Variants in SYVN1 observed in about 807,000 individuals in gnomAD.
SYVN1 encodes E3 ubiquitin-protein ligase synoviolin.
SYVN1 carries 17 observed loss-of-function variants against 62.6 expected under a neutral mutation model. That is an observed-to-expected ratio of 0.27 (90% CI 0.19 to 0.41). The LOEUF is 0.41. Among genes scored for constraint, SYVN1 ranks in the 10% least tolerant of loss-of-function variants. The pLI, the probability that SYVN1 is intolerant of heterozygous loss-of-function variation, is 1.00. For synonymous variants in SYVN1, 316 were observed against 304.0 expected (o/e 1.04, Z -0.41); for missense variants, 634 against 818.0 (o/e 0.78, Z 2.74).
Position 65,130,663 on chromosome 11 carries a change from TGGG to T in SYVN1, c.1099_1101del (p.Pro367del), listed in dbSNP as rs774249885. ...GGCCAGACAAGGGGATACTCACAGT[TGGG>T]GGGCTGAGGCAAGAGTGGTGGGGGG... On this transcript the variant is annotated inframe_deletion, in exon 11 of 16. Coordinates refer to ENST00000377190, the MANE Select transcript of SYVN1 (RefSeq NM_172230.3). 1.1e-6 allele frequency: 1 copy of T among 921,182 alleles called. No individual in the cohort carries two copies. The highest frequency in any genetic ancestry group is 1.4e-6 in the Non-Finnish European group (1 of 723,818). The allele number at this position is 921,182 out of a possible 1,614,324, so 57.1% of individuals were successfully genotyped here.
chr11:65,129,662 T>C, intron 14 of SYVN1, 67 bp downstream of exon 14: 10 of 1,515,588 alleles, frequency 6.6e-6, no homozygotes, highest in South Asian at 1.2e-5. Flanking sequence ...GAACCACTGC[T>C]GGGGACCTCT....
chr11:65,129,523 C>G, intron 14 of SYVN1: 2 of 524,826 alleles, frequency 3.8e-6, no homozygotes, highest in Non-Finnish European at 6.8e-6. Flanking sequence ...GAATAAACAT[C>G]ACTCCTACTT....
chr11:65,132,098 G>A (rs765614620), intron 6 of SYVN1, 150 bp downstream of exon 6: 22 of 697,936 alleles, frequency 3.2e-5, no homozygotes, highest in Non-Finnish European at 4.0e-5. Flanking sequence ...GTGAGCGTGT[G>A]GAGGGCAGGA....
Position 65,132,205 on chromosome 11 carries a change from G to T in SYVN1, c.531+43C>A. The T allele has an allele frequency of 1.4e-6, 2 of 1,476,170 alleles. 1 individual carries two copies. Among genetic ancestry groups the T allele is most frequent in the Non-Finnish European group, 1.9e-6 (2 of 1,054,846 alleles). The allele number at this position is 1,476,170 out of a possible 1,614,324, so 91.4% of individuals were successfully genotyped here. A position where few individuals can be genotyped will look rare whatever the true frequency, so the allele number is the denominator to read the frequency against. On this transcript the variant is annotated intron_variant, in intron 6 of 15. Coordinates refer to ENST00000377190, the MANE Select transcript of SYVN1 (RefSeq NM_172230.3). The stretch of plus-strand genomic sequence containing the variant: ...TTGGGTTATTCAAGGCACATGTGGG[G>T]TCACCTCGGGCTTGTCCTCTCAACC...
chr11:65,128,363 G>T lies in SYVN1; in HGVS notation c.*19C>A. On this transcript the variant is annotated 3_prime_UTR_variant, in exon 16 of 16. Coordinates refer to ENST00000377190, the MANE Select transcript of SYVN1 (RefSeq NM_172230.3). Reference sequence around the variant, plus strand: ...GGGCTGCTCAAAAGAGCAGAGGCTGGGGCTGGGCTGGGGCAGTGTCAGTGG... The same window carrying T: ...GGGCTGCTCAAAAGAGCAGAGGCTGTGGCTGGGCTGGGGCAGTGTCAGTGG... 1 of 1,600,686 alleles carries T rather than the reference G, an allele frequency of 6.2e-7. No individual in the cohort carries two copies. The highest frequency in any genetic ancestry group is 8.5e-7 in the Non-Finnish European group (1 of 1,171,700).
At position 65,130,924 on chromosome 11, in the gene SYVN1, T is replaced by C; in HGVS notation, c.937A>G (p.Thr313Ala). ...KRLPCNHIFH[T>A]SCLRSWFQRQ... is the part of the protein sequence containing the mutation. ...GCTCCCCAGGGCCCCTCCCACCTGG[T>C]ATGGAAAATGTGGTTGCAGGGCAGT... The change falls in exon 10 of 16, where the codon ACC becomes GCC. Residue 313 changes from threonine to alanine, a missense_variant. By Grantham distance (58) the Thr-to-Ala change is moderately conservative (BLOSUM62 0). Transcript: ENST00000377190. The C allele has an allele frequency of 6.2e-7, 1 of 1,613,690 alleles. No homozygotes were observed. Among genetic ancestry groups the C allele is most frequent in the East Asian group, 2.2e-5 (1 of 44,856 alleles).
At chr11:65,131,708 T>G in intron 6 of SYVN1, 112 bp from the exon 7 acceptor site, 31 of 1,336,758 alleles carry the variant, frequency 2.3e-5, no homozygotes, top group South Asian at 4.1e-5. Flanking sequence ...TCACAGGCTC[T>G]AGACACACCC....
Position 65,127,542 on chromosome 11 carries a change from T to C in SYVN1, c.*840A>G, listed in dbSNP as rs908327146. 6.5e-6 allele frequency: 1 copy of C among 153,720 alleles called. No homozygotes were observed. The highest frequency in any genetic ancestry group is 2.4e-5 in the African/African-American group (1 of 41,502). 9.5% of individuals were successfully genotyped at this position (153,720 alleles called of 1,614,324 possible). On this transcript the variant is annotated 3_prime_UTR_variant, in exon 16 of 16. Coordinates refer to ENST00000377190, the MANE Select transcript of SYVN1 (RefSeq NM_172230.3). The stretch of plus-strand genomic sequence containing the variant: ...GCATTCAACTTCAAAAGACAAAATT[T>C]AAGCCAAAAGACACTAGTAAGGAAG...
Position 65,130,682 on chromosome 11 carries a change from T to C in SYVN1, c.1083A>G (p.Pro361=), listed in dbSNP as rs759789523. Residue 361 remains proline (P), a synonymous_variant, in exon 11 of 16, where the codon CCA becomes CCG. Transcript: ENST00000377190. ...QGPPPAPHPP[P]LLPQPPNFPQ... ...CACAGTTGGGGGGCTGAGGCAAGAG[T>C]GGTGGGGGGTGGGGGGCAGGGGGTG... 17 of 487,494 alleles carry C rather than the reference T, an allele frequency of 3.5e-5. No homozygotes were observed. The Admixed American group carries it at 4.5e-4, about 13-fold the overall frequency. 30.2% of individuals were successfully genotyped at this position (487,494 alleles called of 1,614,324 possible). A position where few individuals can be genotyped will look rare whatever the true frequency, so the allele number is the denominator to read the frequency against.
At chr11:65,132,514 G>A in intron 5 of SYVN1, 163 bp from the exon 6 acceptor site, 1 of 753,300 alleles carries the variant, frequency 1.3e-6, no homozygotes, top group Non-Finnish European at 2.2e-6. Flanking sequence ...TCCTGGGGGA[G>A]GGGGAGTTGT....
At chr11:65,129,547 C>G (rs1948147377) in intron 14 of SYVN1, 182 bp downstream of exon 14, 3 of 583,762 alleles carry the variant, frequency 5.1e-6, no homozygotes, top group African/African-American at 3.7e-5. Flanking sequence ...TCCAGACATG[C>G]TTTCTGGAGT....
chr11:65,128,155 T>TG lies in SYVN1; in HGVS notation c.*226dup. 2 of 593,254 alleles carry TG rather than the reference T, an allele frequency of 3.4e-6. No individual in the cohort carries two copies. Among genetic ancestry groups the TG allele is most frequent in the South Asian group, 4.0e-5 (2 of 49,768 alleles). The allele number at this position is 593,254 out of a possible 1,614,324, so 36.7% of individuals were successfully genotyped here. A position where few individuals can be genotyped will look rare whatever the true frequency, so the allele number is the denominator to read the frequency against. On this transcript the variant is annotated 3_prime_UTR_variant, in exon 16 of 16. Coordinates refer to ENST00000377190, the MANE Select transcript of SYVN1 (RefSeq NM_172230.3). ...CCAGCAGAACACAGGGCTGAAGAGT[T>TG]GGAGAGGAAGGCTGGAACTGACCCG...
In SYVN1 at chr11:65,127,303, C is replaced by T. The variant is rs1590824292; in HGVS notation, c.*1079G>A. On this transcript the variant is annotated 3_prime_UTR_variant, in exon 16 of 16. Transcript: ENST00000377190. The stretch of plus-strand genomic sequence containing the variant: ...ATTGTTAATGCAAGTTTTTATTTGG[C>T]TGTATATACAATTTAAGCTATTAAA... The T allele has an allele frequency of 4.4e-6, 2 of 453,184 alleles. No homozygotes were observed. Among genetic ancestry groups the T allele is most frequent in the East Asian group, 7.1e-5 (2 of 28,186 alleles). 28.1% of individuals were successfully genotyped at this position (453,184 alleles called of 1,614,324 possible).
rs149542217 is a variant in SYVN1, at chr11:65,131,539, C to T, written c.589G>A (p.Val197Met). 8 of 1,613,878 alleles carry T rather than the reference C, an allele frequency of 5.0e-6. No homozygotes were observed. The highest frequency in any genetic ancestry group is 2.7e-5 in the African/African-American group (2 of 74,846). ...CAGGGGTTCTCACTCTGGAGGTCCA[C>T]GGAGTGCAGCACATACTTGATGAAG... ...TIFIKYVLHS[V>M]DLQSENPWDN... is the part of the protein sequence containing the mutation. Residue 197 changes from valine (V) to methionine (M), a missense_variant, in exon 7 of 16, where the codon GTG becomes ATG. Physicochemically the swap from Val to Met is conservative, Grantham distance 21 (BLOSUM62 1). Coordinates refer to ENST00000377190, the MANE Select transcript of SYVN1 (RefSeq NM_172230.3).
intron 14 of SYVN1, 111 bp downstream of exon 14, chr11:65,129,618 T>C: frequency 9.6e-7 from 1 of 1,039,932 alleles, no homozygotes; most frequent in South Asian, 1.5e-5. Context: ...GGCCTGTAGA[T>C]AGGCAGCCTG....
In SYVN1 at chr11:65,128,678, C is replaced by T. The variant is rs186967691; in HGVS notation, c.1632G>A (p.Glu544=). ...CAGCAACAACTGTAGTGGCAGTCTC[C>T]TCAGTGGAGTTGACTGAAGTGGCAG... ...PRPATSVNST[E]ETATTVVAAA... The change falls in exon 15 of 16, where the codon GAG becomes GAA. Residue 544 remains glutamate, a synonymous_variant. Coordinates refer to ENST00000377190, the MANE Select transcript of SYVN1 (RefSeq NM_172230.3). 23 of 1,613,542 alleles carry T rather than the reference C, an allele frequency of 1.4e-5. No individual in the cohort carries two copies. In the East Asian group the frequency reaches 3.8e-4, roughly 27 times the overall value.
In SYVN1 at chr11:65,130,296, G is replaced by A; in HGVS notation, c.1189C>T (p.Pro397Ser). The A allele has an allele frequency of 6.3e-7, 1 of 1,596,056 alleles. No individual in the cohort carries two copies. Among genetic ancestry groups the A allele is most frequent in the Non-Finnish European group, 8.5e-7 (1 of 1,170,742 alleles). The change falls in exon 12 of 16, where the codon CCC becomes TCC. Residue 397 changes from proline to serine, a missense_variant. By Grantham distance (74) the Pro-to-Ser change is moderately conservative. Transcript: ENST00000377190. ...PMGPFPPVPP[P>S]PSSGEAVAPP... ...GCCACAGCCTCTCCTGAGCTGGGGG[G>A]AGGCGGGACAGGTGGAAAGGGGCCC... is the stretch of plus-strand genomic sequence containing the variant.
intron 6 of SYVN1, 23 bp from the exon 7 acceptor site, chr11:65,131,619 G>T: frequency 6.2e-7 from 1 of 1,611,056 alleles, no homozygotes. Context: ...GGGGACGAGG[G>T]GGATGTAAAC....
chr11:65,128,629 TAGGG>T lies in SYVN1; in HGVS notation c.1677_1680del (p.Pro560AlafsTer70). ...GGGGTTGGGGTCGTGGCCTCTGAGC[TAGGG>T]ATGCTGGTGGAGGAGGCAGCAGCAA... On this transcript the variant is annotated frameshift_variant, in exon 15 of 16. Transcript: ENST00000377190. LOFTEE classifies it high-confidence loss of function. The T allele has an allele frequency of 6.2e-7, 1 of 1,614,040 alleles. No individual in the cohort carries two copies. The highest frequency in any genetic ancestry group is 8.5e-7 in the Non-Finnish European group (1 of 1,179,972).
Sources: gnomAD v4.1 joint callset for allele counts on GRCh38, gnomAD v4.1.1 for gene constraint, MANE v1.5 for transcripts, NCBI Gene and HGNC (gene_info 2026-07-23, HGNC 2026-07-21) for gene names.